Variants in PPP2R3A observed in about 807,000 individuals in gnomAD.
PPP2R3A encodes the protein protein phosphatase 2 regulatory subunit B''alpha, also known as serine/threonine-protein phosphatase 2A regulatory subunit B'' subunit alpha.
PPP2R3A carries 80 observed loss-of-function variants against 106.9 expected under a neutral mutation model. That is an observed-to-expected ratio of 0.75 (90% CI 0.62 to 0.90). The LOEUF (loss-of-function observed/expected upper bound fraction) is 0.90, where lower values mean the gene tolerates loss of function less well. PPP2R3A is among the 40% of genes least tolerant of loss of function. PPP2R3A has a pLI of 0.00. For synonymous variants in PPP2R3A, 483 were observed against 468.3 expected (o/e 1.03, Z -0.41); for missense variants, 1,386 against 1,350.4 (o/e 1.03, Z -0.41).
In PPP2R3A at chr3:136,002,347, C is replaced by T; in HGVS notation, c.849C>T (p.Thr283=). ...AAACTGTCTATATGAATGTAATGACCAGGTTAGCATCCTATCTGAAAAAGT... is the reference window on the plus strand; with the variant it reads ...AAACTGTCTATATGAATGTAATGACTAGGTTAGCATCCTATCTGAAAAAGT... ...SSETVYMNVM[T]RLASYLKKLP... The change falls in exon 2 of 14, where the codon ACC becomes ACT. Residue 283 remains threonine (T), a synonymous_variant. Coordinates refer to ENST00000264977, the MANE Select transcript of PPP2R3A (RefSeq NM_002718.5). 4.3e-6 allele frequency: 7 copies of T among 1,613,624 alleles called. No homozygotes were observed. The highest frequency in any genetic ancestry group is 5.9e-6 in the Non-Finnish European group (7 of 1,179,782).
intron 3 of PPP2R3A, among the ~76,000 whole-genome samples, chr3:136,028,188 T>C (rs1395384508): frequency 6.6e-6 from 1 of 152,220 alleles, no homozygotes; most frequent in Non-Finnish European, 1.5e-5. Flanking sequence ...TCCACTTTGT[T>C]GAAGACCTAG....
At chr3:136,083,700 G>A (rs1039677826) in intron 8 of PPP2R3A, among the ~76,000 whole-genome samples, 9 of 152,232 alleles carry the variant, frequency 5.9e-5, no homozygotes, top group Non-Finnish European at 1.2e-4. Context: ...GAACATGTGG[G>A]AAAGTTTGGA....
rs200328328 is a variant in PPP2R3A, at chr3:136,043,227, A to G, written c.2366+2265A>G. Among the ~76,000 whole-genome samples, 80 of 152,250 alleles carry G rather than the reference A, an allele frequency of 5.3e-4. 1 individual carries two copies. The East Asian group carries it at 0.012, about 22-fold the overall frequency. On this transcript the variant is annotated intron_variant, in intron 4 of 13. Coordinates refer to ENST00000264977, the MANE Select transcript of PPP2R3A (RefSeq NM_002718.5). The stretch of plus-strand genomic sequence containing the variant: ...GTAATCCCAGCACTCTGGGAGGCCA[A>G]GGTGGGCAGATCCCGAGGTCAGGAG...
rs142363390 is a variant in PPP2R3A, at chr3:136,113,971, T to C, written c.3329+7649T>C. Among the ~76,000 whole-genome samples the C allele has an allele frequency of 1.8e-3, 269 of 152,326 alleles. 2 individuals are homozygous for C. The highest frequency in any genetic ancestry group is 2.9e-3 in the Non-Finnish European group (196 of 68,018). ...CTAATTAAAGAGCTTCTGGAATTGC[T>C]GGCAAGATGGCCAAATAGGAGTAGC... is the stretch of plus-strand genomic sequence containing the variant. On this transcript the variant is annotated intron_variant, in intron 13 of 13. Coordinates refer to ENST00000264977, the MANE Select transcript of PPP2R3A (RefSeq NM_002718.5).
At chr3:135,985,891 A>G (rs1402934452) in intron 1 of PPP2R3A, among the ~76,000 whole-genome samples, 2 of 152,204 alleles carry the variant, frequency 1.3e-5, no homozygotes, top group African/African-American at 4.8e-5. Context: ...AGTGACAGCC[A>G]GGAACTAAAA....
At chr3:136,135,402 C>T (rs1245553999) in intron 13 of PPP2R3A, among the ~76,000 whole-genome samples, 2 of 152,148 alleles carry the variant, frequency 1.3e-5, no homozygotes, top group African/African-American at 2.4e-5. Context: ...CTGACCAACT[C>T]GTGCAAAAGC....
At chr3:136,104,363 A>G (rs1416699417) in intron 12 of PPP2R3A, among the ~76,000 whole-genome samples, 1 of 151,198 alleles carries the variant, frequency 6.6e-6, no homozygotes, top group African/African-American at 2.4e-5. Flanking sequence ...CTGGAGTGCA[A>G]TGGTGTGATC....
intron 1 of PPP2R3A, among the ~76,000 whole-genome samples, chr3:135,999,913 A>G (rs1028318754): frequency 4.9e-4 from 75 of 152,080 alleles, no homozygotes; most frequent in African/African-American, 3.6e-4. Context: ...AGCTGGGACT[A>G]CAGGCCATGT....
At chr3:136,074,492 A>G (rs1344787724) in intron 6 of PPP2R3A, among the ~76,000 whole-genome samples, 1 of 152,264 alleles carries the variant, frequency 6.6e-6, no homozygotes, top group Non-Finnish European at 1.5e-5. Context: ...ATAGCCGTTG[A>G]GTGCAGTTTT....
intron 13 of PPP2R3A, among the ~76,000 whole-genome samples, chr3:136,127,687 G>T (rs1938234525): frequency 6.6e-6 from 1 of 152,118 alleles, no homozygotes; most frequent in South Asian, 2.1e-4. Flanking sequence ...TCCTCAAGAA[G>T]AGCAAGCCCA....
intron 3 of PPP2R3A, among the ~76,000 whole-genome samples, chr3:136,030,780 ATG>A (rs56881425): frequency 0.08 from 7,175 of 90,224 alleles, 409 homozygotes; most frequent in African/African-American, 0.16. Context: ...ATATATATAT[ATG>A]TATGTATGTA....
Position 136,055,451 on chromosome 3 carries a change from G to A in PPP2R3A, c.2469+6090G>A, listed in dbSNP as rs145790158. 7.0e-4 allele frequency: 782 copies of A among 1,115,000 alleles called. 6 individuals are homozygous for A. The highest frequency in any genetic ancestry group is 9.9e-4 in the Non-Finnish European group (719 of 726,462). The allele number at this position is 1,115,000 out of a possible 1,614,324, so 69.1% of individuals were successfully genotyped here. A position where few individuals can be genotyped will look rare whatever the true frequency, so the allele number is the denominator to read the frequency against. On this transcript the variant is annotated intron_variant, in intron 5 of 13. Coordinates refer to ENST00000264977, the MANE Select transcript of PPP2R3A (RefSeq NM_002718.5). ...AATGCAAATGCTTAAGGCACAAAGT[G>A]TAAATGTGAAGACACAGCTCTTTCT...
intron 1 of PPP2R3A, among the ~76,000 whole-genome samples, chr3:135,983,543 TTA>T (rs1937566917): frequency 1.3e-5 from 2 of 152,360 alleles, no homozygotes; most frequent in East Asian, 3.9e-4. Flanking sequence ...GCTTTTCTAT[TTA>T]TATGTTTCCT....
At chr3:135,984,762 C>G (rs1937583426) in intron 1 of PPP2R3A, among the ~76,000 whole-genome samples, 1 of 152,166 alleles carries the variant, frequency 6.6e-6, no homozygotes, top group African/African-American at 2.4e-5. Flanking sequence ...CATTTTCACG[C>G]TGCTGATAAA....
chr3:136,014,774 C>T (rs879022708), intron 2 of PPP2R3A, among the ~76,000 whole-genome samples: 5 of 151,888 alleles, frequency 3.3e-5, no homozygotes, highest in Admixed American at 6.6e-5. Context: ...CAGCAAACAG[C>T]GACAGTTTGA....
intron 1 of PPP2R3A, among the ~76,000 whole-genome samples, chr3:135,973,237 T>G (rs892586661): frequency 6.6e-5 from 10 of 152,210 alleles, no homozygotes; most frequent in African/African-American, 2.4e-4. Flanking sequence ...ATGAAAGTGA[T>G]AAAAACACTT....
At chr3:136,055,214 A>T (rs1227287515) in intron 5 of PPP2R3A, 2 of 759,174 alleles carry the variant, frequency 2.6e-6, no homozygotes, top group East Asian at 5.0e-5. Flanking sequence ...AGATAAAATT[A>T]AAAAGCCAGA....
At chr3:136,106,152 A>T in intron 12 of PPP2R3A, 64 bp from the exon 13 acceptor site, 1 of 1,328,936 alleles carries the variant, frequency 7.5e-7, no homozygotes, top group Non-Finnish European at 1.1e-6. Context: ...TTGTGTGATG[A>T]TCTATCTCCA....
intron 7 of PPP2R3A, chr3:136,079,096 C>T (rs1936694087): frequency 2.4e-6 from 1 of 414,704 alleles, no homozygotes; most frequent in African/African-American, 2.1e-5. Flanking sequence ...GGAATTTAGG[C>T]TAATAATACA....
Sources: gnomAD v4.1 joint callset for allele counts (sites outside exome capture counted in the v4.1 genomes callset) on GRCh38, gnomAD v4.1.1 for gene constraint, MANE v1.5 for transcripts, NCBI Gene and HGNC (gene_info 2026-07-23, HGNC 2026-07-21) for gene names.